Variants in EPHA8 observed in about 807,000 individuals in gnomAD.
EPHA8 encodes EPH receptor A8, also known as ephrin type-A receptor 8.
EPHA8 carries 58 observed loss-of-function variants against 103.6 expected under a neutral mutation model. The ratio of observed to expected loss-of-function variants is 0.56; its 90% CI spans 0.45 to 0.70. The LOEUF is 0.70. Among genes scored for constraint, EPHA8 ranks in the 30% least tolerant of loss-of-function variants. The pLI, the probability that EPHA8 is intolerant of heterozygous loss-of-function variation, is 0.00. For synonymous variants in EPHA8, 559 were observed against 572.5 expected (o/e 0.98, Z 0.34); for missense variants, 1,304 against 1,395.2 (o/e 0.93, Z 1.04).
At position 22,598,449 on chromosome 1, in the gene EPHA8, AG is replaced by A. The variant is rs1372860088; in HGVS notation, c.2178+243del. On this transcript the variant is annotated intron_variant, in intron 12 of 16. Transcript: ENST00000166244. The surrounding 1 kb of genome is among the most constrained non-coding windows in gnomAD (Gnocchi z 5.1). ...ATCCTGCTGCCCTGCACACAGGCTG[AG>A]GGGGGTGCCTCTGTGGGAATCCAGG... Among the ~76,000 whole-genome samples the A allele has an allele frequency of 1.3e-5, 2 of 152,098 alleles. No homozygotes were observed. Among genetic ancestry groups the A allele is most frequent in the Admixed American group, 1.3e-4 (2 of 15,280 alleles).
intron 3 of EPHA8, among the ~76,000 whole-genome samples, chr1:22,577,927 G>A: frequency 2.2e-5 from 3 of 137,518 alleles, no homozygotes; most frequent in Non-Finnish European, 4.7e-5. Context: ...GAGTGTATGT[G>A]TGCGTGAGTG....
Position 22,601,365 on chromosome 1 carries a change from G to T in EPHA8, c.2795G>T (p.Gly932Val), listed in dbSNP as rs142066703. The T allele has an allele frequency of 6.2e-7, 1 of 1,609,444 alleles. No homozygotes were observed. Among genetic ancestry groups the T allele is most frequent in the Admixed American group, 1.7e-5 (1 of 58,780 alleles). The change falls in exon 16 of 17, where the codon GGC (glycine) becomes GTC (valine). Residue 932 changes from glycine to valine, a missense_variant. Transcript: ENST00000166244. ...DLRGGSGGGG[G>V]LTVGDWLDSI... ...CGAGGGGGCAGCGGTGGCGGTGGGG[G>T]CCTCACCGTGGGGGACTGGCTGGAC...
In EPHA8 at chr1:22,570,218, T is replaced by C. The variant is rs116765680; in HGVS notation, c.159+865T>C. 4.2e-3 allele frequency among the ~76,000 whole-genome samples: 647 copies of C among 152,276 alleles called. 2 individuals are homozygous for C. Among genetic ancestry groups the C allele is most frequent in the African/African-American group, 0.015 (613 of 41,540 alleles). ...CACAGTTACTGTCACATGAACTTCC[T>C]CTCACCAGCGTGCTCAGAAACACAC... On this transcript the variant is annotated intron_variant, in intron 2 of 16. Coordinates refer to ENST00000166244, the MANE Select transcript of EPHA8 (RefSeq NM_020526.5).
intron 3 of EPHA8, among the ~76,000 whole-genome samples, chr1:22,579,271 C>T (rs1409187362): frequency 6.8e-6 from 1 of 147,078 alleles, no homozygotes; most frequent in Non-Finnish European, 1.5e-5. Context: ...GTGCATGTGT[C>T]AGAGTGTATA....
chr1:22,575,099 C>T (rs1165922998), intron 2 of EPHA8, among the ~76,000 whole-genome samples: 2 of 152,142 alleles, frequency 1.3e-5, no homozygotes, highest in East Asian at 1.9e-4. Flanking sequence ...TATAGGCACC[C>T]GCCACTGCAC....
chr1:22,578,205 A>G (rs150066811), intron 3 of EPHA8, among the ~76,000 whole-genome samples: 1 of 27,868 alleles, frequency 3.6e-5, no homozygotes. Flanking sequence ...TGTGCGTGCG[A>G]GTGTGTGCGT....
chr1:22,573,936 C>T (rs1215768560), intron 2 of EPHA8, among the ~76,000 whole-genome samples: 3 of 152,220 alleles, frequency 2.0e-5, no homozygotes, highest in African/African-American at 7.2e-5. Flanking sequence ...CCTGCACTGC[C>T]TAGTCTGGTG....
chr1:22,600,782 G>A lies in EPHA8; in HGVS notation c.2510G>A (p.Arg837Gln), dbSNP rs144705335. 574 of 1,610,398 alleles carry A rather than the reference G, an allele frequency of 3.6e-4. 1 individual carries two copies. Among genetic ancestry groups the A allele is most frequent in the Non-Finnish European group, 4.7e-4 (548 of 1,178,044 alleles). The change falls in exon 14 of 17, where the codon CGG (arginine) becomes CAG (glutamine). Residue 837 changes from arginine to glutamine, a missense_variant. Transcript: ENST00000166244. ...VMWEVLAYGERPYWNMTNRDV... is the reference protein window; with the variant it reads ...VMWEVLAYGEQPYWNMTNRDV... Reference sequence around the variant, plus strand: ...TGGGAGGTGCTGGCCTATGGGGAGCGGCCCTACTGGAACATGACCAACCGG... The same window carrying A: ...TGGGAGGTGCTGGCCTATGGGGAGCAGCCCTACTGGAACATGACCAACCGG...
At chr1:22,591,007 C>G (rs537551866) in intron 5 of EPHA8, among the ~76,000 whole-genome samples, 3 of 152,028 alleles carry the variant, frequency 2.0e-5, no homozygotes, top group African/African-American at 4.8e-5. Flanking sequence ...TTCCACCCCC[C>G]ACGAGTCCAT....
At chr1:22,577,633 G>A (rs992294704) in intron 3 of EPHA8, among the ~76,000 whole-genome samples, 3 of 152,130 alleles carry the variant, frequency 2.0e-5, no homozygotes, top group Admixed American at 2.0e-4. Context: ...GCCTTGTGGA[G>A]GAGGACAGTG....
At position 22,596,121 on chromosome 1, in the gene EPHA8, C is replaced by T. The variant is rs752857829; in HGVS notation, c.1713C>T (p.Ser571=). The change falls in exon 9 of 17, where the codon AGC becomes AGT. Residue 571 remains serine, a synonymous_variant. Coordinates refer to ENST00000166244, the MANE Select transcript of EPHA8 (RefSeq NM_020526.5). ...TCCTCTGCAGGCACTGTGGCTACAGCAAGGCCTTCCAGGACTCGGACGAGG... is the reference window on the plus strand; with the variant it reads ...TCCTCTGCAGGCACTGTGGCTACAGTAAGGCCTTCCAGGACTCGGACGAGG... ...LICKKRHCGY[S]KAFQDSDEEK... 7 of 1,613,836 alleles carry T rather than the reference C, an allele frequency of 4.3e-6. No homozygotes were observed. Among genetic ancestry groups the T allele is most frequent in the Middle Eastern group, 1.6e-4 (1 of 6,082 alleles).
Position 22,600,996 on chromosome 1 carries a change from G to C in EPHA8, c.2637G>C (p.Arg879=). Reference sequence around the variant, plus strand: ...TGCTCGACTGTTGGCACAAGGACCGGGCGCAGCGGCCTCGCTTCTCCCAGA... The same window carrying C: ...TGCTCGACTGTTGGCACAAGGACCGCGCGCAGCGGCCTCGCTTCTCCCAGA... ...QLMLDCWHKD[R]AQRPRFSQIV... The change falls in exon 15 of 17, where the codon CGG becomes CGC. Residue 879 remains arginine, a synonymous_variant. Coordinates refer to ENST00000166244, the MANE Select transcript of EPHA8 (RefSeq NM_020526.5). 6.2e-7 allele frequency: 1 copy of C among 1,612,974 alleles called. No individual in the cohort carries two copies. The highest frequency in any genetic ancestry group is 1.1e-5 in the South Asian group (1 of 91,080).
In EPHA8 at chr1:22,598,722, G is replaced by C; in HGVS notation, c.2179-116G>C. On this transcript the variant is annotated intron_variant, in intron 12 of 16. Coordinates refer to ENST00000166244, the MANE Select transcript of EPHA8 (RefSeq NM_020526.5). The surrounding 1 kb of genome is among the most constrained non-coding windows in gnomAD (Gnocchi z 5.1). ...TGCTTCAGAAGTAGTGGCGCACTTG[G>C]CAAATTGCAAAGCACCGTCTCAACT... is the stretch of plus-strand genomic sequence containing the variant. The C allele has an allele frequency of 9.5e-7, 1 of 1,050,090 alleles. No individual in the cohort carries two copies. Among genetic ancestry groups the C allele is most frequent in the East Asian group, 2.6e-5 (1 of 38,654 alleles). The allele number at this position is 1,050,090 out of a possible 1,614,324, so 65.0% of individuals were successfully genotyped here.
chr1:22,589,575 C>T lies in EPHA8; in HGVS notation c.1315+369C>T. On this transcript the variant is annotated intron_variant, in intron 5 of 16. Coordinates refer to ENST00000166244, the MANE Select transcript of EPHA8 (RefSeq NM_020526.5). This position sits in a 1 kb window ranked among gnomAD's most constrained non-coding sequence, Gnocchi z 4.3. ...AGAGGAATGAAATTGCTTAGCCCAG[C>T]ACCTGGCCCGTGGTAAATGCTCAAT... is the stretch of plus-strand genomic sequence containing the variant. 3 of 1,327,898 alleles carry T rather than the reference C, an allele frequency of 2.3e-6. No individual in the cohort carries two copies. The highest frequency in any genetic ancestry group is 1.9e-6 in the Non-Finnish European group (2 of 1,043,926). 82.3% of individuals were successfully genotyped at this position (1,327,898 alleles called of 1,614,324 possible).
chr1:22,576,314 C>G lies in EPHA8; in HGVS notation c.257C>G (p.Thr86Arg). The change falls in exon 3 of 17, where the codon ACG (threonine) becomes AGG (arginine). Residue 86 changes from threonine (T) to arginine (R), a missense_variant. Thr to Arg is a moderately conservative substitution (Grantham distance 71). Coordinates refer to ENST00000166244, the MANE Select transcript of EPHA8 (RefSeq NM_020526.5). This position sits in a 1 kb window ranked among gnomAD's most constrained non-coding sequence, Gnocchi z 4.8. Reference protein sequence around the residue: ...MSPNQNNWLRTSWVPRDGARR... With the variant: ...MSPNQNNWLRRSWVPRDGARR... ...CCCAACCAGAACAACTGGCTGCGCA[C>G]GAGCTGGGTCCCCCGAGACGGCGCC... The G allele has an allele frequency of 6.2e-7, 1 of 1,613,882 alleles. No individual in the cohort carries two copies. Among genetic ancestry groups the G allele is most frequent in the East Asian group, 2.2e-5 (1 of 44,874 alleles).
chr1:22,594,958 C>G (rs147535930), intron 7 of EPHA8, among the ~76,000 whole-genome samples: 59 of 152,334 alleles, frequency 3.9e-4, no homozygotes, highest in African/African-American at 1.4e-3. Context: ...GGACACGCGA[C>G]TCTTCTCCGG....
At chr1:22,578,823 G>A (rs1176373647) in intron 3 of EPHA8, among the ~76,000 whole-genome samples, 1 of 151,200 alleles carries the variant, frequency 6.6e-6, no homozygotes, top group African/African-American at 2.4e-5. Flanking sequence ...GTGTACATGT[G>A]CATGCCTGTG....
In EPHA8 at chr1:22,576,628, T is replaced by C. The variant is rs1325451914; in HGVS notation, c.571T>C (p.Cys191Arg). The C allele has an allele frequency of 6.2e-7, 1 of 1,613,856 alleles. No individual in the cohort carries two copies. Among genetic ancestry groups the C allele is most frequent in the Non-Finnish European group, 8.5e-7 (1 of 1,180,022 alleles). ...FYLAFQDIGA[C>R]LAILSLRIYY... ...CCTGGCCTTCCAGGACATAGGTGCC[T>C]GCCTGGCCATCCTCTCTCTCCGCAT... is the stretch of plus-strand genomic sequence containing the variant. Residue 191 changes from cysteine to arginine, a missense_variant, in exon 3 of 17, where the codon TGC becomes CGC. Coordinates refer to ENST00000166244, the MANE Select transcript of EPHA8 (RefSeq NM_020526.5). The surrounding 1 kb of genome is among the most constrained non-coding windows in gnomAD (Gnocchi z 4.8).
rs758958503 is a variant in EPHA8 at position 22,593,397 on chromosome 1, C to T, written c.1387C>T (p.Pro463Ser). 1.3e-5 allele frequency: 21 copies of T among 1,587,048 alleles called. No individual in the cohort carries two copies. Among genetic ancestry groups the T allele is most frequent in the Non-Finnish European group, 1.8e-5 (21 of 1,168,664 alleles). ...CAGCGTCTCGCTGCTGTGGCAGGAGCCCGAGCAGCCGAACGGCATCATCCT... is the reference window on the plus strand; with the variant it reads ...CAGCGTCTCGCTGCTGTGGCAGGAGTCCGAGCAGCCGAACGGCATCATCCT... ...QTSVSLLWQE[P>S]EQPNGIILEY... The change falls in exon 6 of 17, where the codon CCC (proline) becomes TCC (serine). Residue 463 changes from proline (P) to serine (S), a missense_variant. Physicochemically the swap from Pro to Ser is moderately conservative, Grantham distance 74. Transcript: ENST00000166244.
Sources: gnomAD v4.1 joint callset for allele counts (sites outside exome capture counted in the v4.1 genomes callset) on GRCh38, gnomAD v4.1.1 for gene constraint, Gnocchi (gnomAD v3.1) non-coding constraint, MANE v1.5 for transcripts, NCBI Gene and HGNC (gene_info 2026-07-23, HGNC 2026-07-21) for gene names.